The following LRP1B variants were observed in gnomAD, a reference collection of about 807,000 sequenced individuals.
The protein encoded by LRP1B is low-density lipoprotein receptor-related protein 1B.
A neutral mutation model predicts 556.6 loss-of-function variants in LRP1B; 217 were observed. The ratio of observed to expected loss-of-function variants is 0.39; its 90% CI spans 0.35 to 0.44. LRP1B has a LOEUF of 0.44. LRP1B is among the 20% of genes least tolerant of loss of function. The pLI is 1.00. For missense variants in LRP1B, 5,053 were observed against 5,620.8 expected (o/e 0.90, Z 3.23); for synonymous variants, 2,047 against 1,865.8 (o/e 1.10, Z -2.50).
chr2:140,901,346 T>C (rs1031145524), intron 23 of LRP1B, among the ~76,000 whole-genome samples: 3 of 152,108 alleles, frequency 2.0e-5, no homozygotes, highest in African/African-American at 7.2e-5. Flanking sequence ...GTGCTGCCTG[T>C]TGCAACCTTG....
intron 37 of LRP1B, among the ~76,000 whole-genome samples, chr2:140,703,832 T>A (rs1686732868): frequency 6.6e-6 from 1 of 152,186 alleles, no homozygotes; most frequent in Non-Finnish European, 1.5e-5. Context: ...GCCATGTTGC[T>A]GCAAAAGGGC....
intron 2 of LRP1B, among the ~76,000 whole-genome samples, chr2:141,691,661 C>T (rs1691537494): frequency 6.6e-6 from 1 of 151,826 alleles, no homozygotes; most frequent in African/African-American, 2.4e-5. Flanking sequence ...CAGTATTTGC[C>T]ATTATTAATT....
intron 7 of LRP1B, among the ~76,000 whole-genome samples, chr2:141,102,911 A>G (rs1454076768): frequency 6.6e-6 from 1 of 152,176 alleles, no homozygotes; most frequent in African/African-American, 2.4e-5. Context: ...CTTCTTAAAC[A>G]TCAGCACCAA....
chr2:141,086,286 G>A (rs1239496914), intron 7 of LRP1B, among the ~76,000 whole-genome samples: 1 of 152,132 alleles, frequency 6.6e-6, no homozygotes, highest in Non-Finnish European at 1.5e-5. Context: ...TGGAAGTAAT[G>A]ATTTTCTACA....
At chr2:140,671,623 C>T (rs1359643834) in intron 41 of LRP1B, among the ~76,000 whole-genome samples, 1 of 152,296 alleles carries the variant, frequency 6.6e-6, no homozygotes, top group South Asian at 2.1e-4. Context: ...GTGCATTACT[C>T]GCACATCTGT....
At chr2:140,551,575 C>A (rs987612204) in intron 43 of LRP1B, among the ~76,000 whole-genome samples, 1 of 152,102 alleles carries the variant, frequency 6.6e-6, no homozygotes, top group African/African-American at 2.4e-5. Context: ...CTGAAAGCAG[C>A]GGTCAGCTAT....
chr2:141,081,161 G>A (rs192587933), intron 7 of LRP1B, among the ~76,000 whole-genome samples: 1 of 152,196 alleles, frequency 6.6e-6, no homozygotes, highest in Non-Finnish European at 1.5e-5. Context: ...TCGTGTTGAT[G>A]CTTAAAATGT....
chr2:141,198,603 G>GCTTTTGT (rs1681852391), intron 6 of LRP1B, among the ~76,000 whole-genome samples: 1 of 152,018 alleles, frequency 6.6e-6, no homozygotes, highest in Non-Finnish European at 1.5e-5. Flanking sequence ...TTGTTTGGGG[G>GCTTTTGT]AGGAGGCACA....
At chr2:140,448,132 C>A (rs1327145195) in intron 63 of LRP1B, among the ~76,000 whole-genome samples, 10 of 152,166 alleles carry the variant, frequency 6.6e-5, no homozygotes, top group African/African-American at 2.2e-4. Context: ...AAAGTGACCA[C>A]ATGGTGTTGA....
intron 7 of LRP1B, among the ~76,000 whole-genome samples, chr2:141,126,548 A>T (rs1415234853): frequency 6.6e-6 from 1 of 152,054 alleles, no homozygotes; most frequent in African/African-American, 2.4e-5. Flanking sequence ...ACTTCATTGA[A>T]GTTTTTTTTC....
At chr2:141,384,973 G>A (rs1443792051) in intron 3 of LRP1B, among the ~76,000 whole-genome samples, 2 of 152,098 alleles carry the variant, frequency 1.3e-5, no homozygotes, top group Non-Finnish European at 2.9e-5. Flanking sequence ...AGCCTCCAAC[G>A]CTCTGGTCCC....
chr2:141,822,128 C>CAGAGAGAGAGAGAGAGAGAGAGAG (rs1364248949), intron 1 of LRP1B, among the ~76,000 whole-genome samples: 27 of 117,160 alleles, frequency 2.3e-4, no homozygotes, highest in East Asian at 1.9e-3. Flanking sequence ...CACACACACA[C>CAGAGAGAGAGAGAGAGAGAGAGAG]ACAGAGAGAG....
rs574592216 is a variant in LRP1B, at chr2:140,725,782, C to G, written c.5759-8966G>C. On this transcript the variant is annotated intron_variant, in intron 35 of 90. Coordinates refer to ENST00000389484, the MANE Select transcript of LRP1B (RefSeq NM_018557.3). Reference sequence around the variant, plus strand: ...GTTCAGTGGCAGTTTCATGTCATGTCCCAGCCTCACATCATATCCTTGACT... The same window carrying G: ...GTTCAGTGGCAGTTTCATGTCATGTGCCAGCCTCACATCATATCCTTGACT... Among the ~76,000 whole-genome samples, 10 of 152,208 alleles carry G rather than the reference C, an allele frequency of 6.6e-5. No individual in the cohort carries two copies. In the East Asian group the frequency reaches 1.9e-3, roughly 29 times the overall value.
At chr2:140,588,516 TAA>T (rs1178840802) in intron 43 of LRP1B, among the ~76,000 whole-genome samples, 1 of 152,040 alleles carries the variant, frequency 6.6e-6, no homozygotes, top group Non-Finnish European at 1.5e-5. Context: ...GCAAAGAAAA[TAA>T]AATAACTAAA....
intron 18 of LRP1B, among the ~76,000 whole-genome samples, chr2:140,975,893 C>A (rs1172200178): frequency 6.6e-6 from 1 of 151,932 alleles, no homozygotes; most frequent in Non-Finnish European, 1.5e-5. Context: ...AGCTGAAACT[C>A]TTCCTTATTT....
intron 35 of LRP1B, among the ~76,000 whole-genome samples, chr2:140,746,125 TC>T (rs1688304684): frequency 6.6e-6 from 1 of 152,074 alleles, no homozygotes; most frequent in South Asian, 2.1e-4. Flanking sequence ...AACATATGAT[TC>T]ATGATAAATT....
intron 18 of LRP1B, among the ~76,000 whole-genome samples, chr2:140,952,255 A>T (rs1265647881): frequency 6.6e-6 from 1 of 152,068 alleles, no homozygotes; most frequent in East Asian, 1.9e-4. Context: ...CTCAACATTC[A>T]CTCAGTGGAT....
intron 3 of LRP1B, among the ~76,000 whole-genome samples, chr2:141,464,320 T>A (rs1235056105): frequency 2.0e-5 from 3 of 152,108 alleles, no homozygotes; most frequent in Non-Finnish European, 4.4e-5. Context: ...TTCTTCCATC[T>A]TTATCTTCTC....
intron 3 of LRP1B, among the ~76,000 whole-genome samples, chr2:141,397,420 C>T (rs1272643286): frequency 6.6e-6 from 1 of 150,768 alleles, no homozygotes; most frequent in Non-Finnish European, 1.5e-5. Context: ...CCAAAAATTA[C>T]AATGCACAAC....
Sources: allele counts gnomAD v4.1 joint callset (sites outside exome capture counted in the v4.1 genomes callset), GRCh38; gene constraint gnomAD v4.1.1; transcripts MANE v1.5; gene names NCBI Gene and HGNC (gene_info 2026-07-23, HGNC 2026-07-21).